The following ADAP1 variants were observed in gnomAD, a reference collection of about 807,000 sequenced individuals.
ADAP1 encodes the protein arf-GAP with dual PH domain-containing protein 1.
Under a neutral mutation model 54.9 loss-of-function variants are expected in ADAP1, and 31 were observed. That is an observed-to-expected ratio of 0.56 (90% CI 0.42 to 0.76). ADAP1 has a LOEUF of 0.76. ADAP1 is among the 30% of genes least tolerant of loss of function. The probability of loss-of-function intolerance (pLI) is 0.00; values close to 1 mark genes in which losing one functional copy is unlikely to be tolerated. For missense variants in ADAP1, 535 were observed against 512.4 expected (o/e 1.04, Z -0.42); for synonymous variants, 313 against 202.6 (o/e 1.55, Z -4.63).
At chr7:916,363 T>C (rs926353754) in intron 4 of ADAP1, among the ~76,000 whole-genome samples, 2 of 152,198 alleles carry the variant, frequency 1.3e-5, no homozygotes, top group African/African-American at 4.8e-5. Context: ...TTTCCAGTTT[T>C]GCTGACACCC....
chr7:899,276 C>T lies in ADAP1; in HGVS notation c.868-15G>A, dbSNP rs376015867. ...GCGAAGGCGTCCTGTGGGTGGGGAC[C>T]GCACTGGAGGCGGGGCCATGTCCCT... On this transcript the variant is annotated splice_polypyrimidine_tract_variant and intron_variant, in intron 9 of 10. Transcript: ENST00000265846. 4.7e-5 allele frequency: 75 copies of T among 1,612,114 alleles called. No homozygotes were observed. Among genetic ancestry groups the T allele is most frequent in the East Asian group, 4.0e-4 (18 of 44,876 alleles).
intron 4 of ADAP1, among the ~76,000 whole-genome samples, chr7:911,860 T>C (rs1845737243): frequency 6.6e-6 from 1 of 151,564 alleles, no homozygotes; most frequent in Admixed American, 6.6e-5. Context: ...AGAGGGGCAA[T>C]GGGGCAGCCC....
At chr7:900,722 G>A (rs1844759640) in intron 6 of ADAP1, 106 bp from the exon 7 acceptor site, 2 of 977,652 alleles carry the variant, frequency 2.0e-6, no homozygotes, top group Admixed American at 2.2e-5. Flanking sequence ...CCAGAGCCCA[G>A]CCCCTTCCTC....
chr7:902,741 C>T (rs533912278), intron 6 of ADAP1, among the ~76,000 whole-genome samples: 3 of 152,184 alleles, frequency 2.0e-5, no homozygotes, highest in Non-Finnish European at 2.9e-5. Flanking sequence ...CTGGAAGGGC[C>T]ACCCTGGGCC....
intron 2 of ADAP1, among the ~76,000 whole-genome samples, chr7:933,344 C>T (rs1380478632): frequency 1.3e-5 from 2 of 152,126 alleles, no homozygotes; most frequent in Non-Finnish European, 2.9e-5. Context: ...ATTACAGGCA[C>T]CACCCCCACA....
At chr7:936,756 T>C (rs1846772450) in intron 1 of ADAP1, among the ~76,000 whole-genome samples, 11 of 152,234 alleles carry the variant, frequency 7.2e-5, no homozygotes, top group Admixed American at 7.2e-4. Flanking sequence ...GAGGCTCTCC[T>C]GGGTGAGGCT....
chr7:899,983 G>A (rs1163608148), intron 8 of ADAP1, 119 bp downstream of exon 8: 10 of 1,225,150 alleles, frequency 8.2e-6, no homozygotes, highest in Non-Finnish European at 1.2e-5. Flanking sequence ...GGGGCTGTGA[G>A]GACCCACCAG....
chr7:939,974 C>T (rs1846897807), intron 1 of ADAP1, among the ~76,000 whole-genome samples: 1 of 152,100 alleles, frequency 6.6e-6, no homozygotes, highest in Non-Finnish European at 1.5e-5. Flanking sequence ...AAACCAGCTA[C>T]AAGTGAGGCT....
At chr7:902,978 C>G (rs996151287) in intron 6 of ADAP1, among the ~76,000 whole-genome samples, 1 of 152,186 alleles carries the variant, frequency 6.6e-6, no homozygotes, top group Non-Finnish European at 1.5e-5. Flanking sequence ...TCCCTCCAGG[C>G]ACATCACTTC....
intron 1 of ADAP1, among the ~76,000 whole-genome samples, chr7:951,688 T>C (rs946543492): frequency 2.0e-5 from 3 of 152,088 alleles, no homozygotes; most frequent in Admixed American, 2.0e-4. Flanking sequence ...TGAGTTGAGA[T>C]TGTGCCACTG....
rs541991421 is a variant in ADAP1 at position 920,210 on chromosome 7, G to A, written c.306-160C>T. ...CACAAGATCCCGGAAGAAATGCAGG[G>A]TCAGCCTCCTGCCCGGGACGCTTCT... is the stretch of plus-strand genomic sequence containing the variant. On this transcript the variant is annotated intron_variant, in intron 3 of 10. Coordinates refer to ENST00000265846, the MANE Select transcript of ADAP1 (RefSeq NM_006869.4). This position sits in a 1 kb window ranked among gnomAD's most constrained non-coding sequence, Gnocchi z 4.5. Among the ~76,000 whole-genome samples the A allele has an allele frequency of 1.1e-3, 175 of 152,248 alleles. 1 individual carries two copies. Among genetic ancestry groups the A allele is most frequent in the African/African-American group, 3.9e-3 (164 of 41,528 alleles).
At chr7:923,826 A>C (rs911474634) in intron 3 of ADAP1, among the ~76,000 whole-genome samples, 4 of 152,096 alleles carry the variant, frequency 2.6e-5, no homozygotes, top group African/African-American at 9.7e-5. Flanking sequence ...AAGACCTTCA[A>C]CTCAGACCCG....
rs983839201 is a variant in ADAP1, at chr7:898,217, T to G, written c.*704A>C. The G allele has an allele frequency of 1.3e-5, 2 of 153,278 alleles. No individual in the cohort carries two copies. Among genetic ancestry groups the G allele is most frequent in the African/African-American group, 4.8e-5 (2 of 41,470 alleles). The allele number at this position is 153,278 out of a possible 1,614,324, so 9.5% of individuals were successfully genotyped here. A position where few individuals can be genotyped will look rare whatever the true frequency, so the allele number is the denominator to read the frequency against. On this transcript the variant is annotated 3_prime_UTR_variant, in exon 11 of 11. Coordinates refer to ENST00000265846, the MANE Select transcript of ADAP1 (RefSeq NM_006869.4). ...GGACCCCCAGGGCCACTCCTGCCTC[T>G]GGTGGCCTCACCGCGGCCCAGGCCC... is the stretch of plus-strand genomic sequence containing the variant.
At chr7:908,907 A>G (rs1008043637) in intron 4 of ADAP1, among the ~76,000 whole-genome samples, 3 of 151,922 alleles carry the variant, frequency 2.0e-5, no homozygotes, top group Non-Finnish European at 4.4e-5. Context: ...TGTCGGTTCC[A>G]CAGACCCCTG....
At position 920,162 on chromosome 7, in the gene ADAP1, C is replaced by G. The variant is rs901294685; in HGVS notation, c.306-112G>C. 2.4e-5 allele frequency: 21 copies of G among 883,580 alleles called. No homozygotes were observed. The highest frequency in any genetic ancestry group is 3.6e-5 in the Non-Finnish European group (21 of 578,682). 54.7% of individuals were successfully genotyped at this position (883,580 alleles called of 1,614,324 possible). On this transcript the variant is annotated intron_variant, in intron 3 of 10. Coordinates refer to ENST00000265846, the MANE Select transcript of ADAP1 (RefSeq NM_006869.4). This position sits in a 1 kb window ranked among gnomAD's most constrained non-coding sequence, Gnocchi z 4.5. ...TCAAGAGGCTCATAGGGACCCCCGG[C>G]AGACTCGAGCCGCCCCTCTGGGCAC...
At chr7:902,347 A>G (rs1209157147) in intron 6 of ADAP1, among the ~76,000 whole-genome samples, 2 of 147,746 alleles carry the variant, frequency 1.4e-5, no homozygotes, top group African/African-American at 5.1e-5. Context: ...AATCCCAGCT[A>G]CTCGGGAGGC....
chr7:912,647 G>A (rs1845770700), intron 4 of ADAP1, among the ~76,000 whole-genome samples: 1 of 152,222 alleles, frequency 6.6e-6, no homozygotes, highest in Non-Finnish European at 1.5e-5. Context: ...GGGCTTCCCT[G>A]CCACAGGTTA....
intron 1 of ADAP1, among the ~76,000 whole-genome samples, chr7:949,862 A>C (rs976335547): frequency 1.3e-5 from 2 of 152,216 alleles, no homozygotes; most frequent in African/African-American, 4.8e-5. Context: ...TGAGTGCAAA[A>C]CCAGGTAGGG....
At chr7:904,727 C>T (rs571442638) in intron 5 of ADAP1, among the ~76,000 whole-genome samples, 5 of 152,352 alleles carry the variant, frequency 3.3e-5, no homozygotes, top group Non-Finnish European at 7.4e-5. Flanking sequence ...CCCCAGGGTA[C>T]CTCCAGGAAA....
Sources: gnomAD v4.1 joint callset for allele counts (sites outside exome capture counted in the v4.1 genomes callset) on GRCh38, gnomAD v4.1.1 for gene constraint, Gnocchi (gnomAD v3.1) non-coding constraint, MANE v1.5 for transcripts, NCBI Gene and HGNC (gene_info 2026-07-23, HGNC 2026-07-21) for gene names.